Variants in MAGED1 observed in about 807,000 individuals in gnomAD.
The protein encoded by MAGED1 is melanoma-associated antigen D1.
In MAGED1, 3 loss-of-function variants were observed where a neutral mutation model predicts 54.1. That is an observed-to-expected ratio of 0.06 (90% CI 0.03 to 0.14). The LOEUF is 0.14. Ranked by LOEUF, MAGED1 falls within the 10% of genes least tolerant of loss-of-function variation. The probability of loss-of-function intolerance (pLI) is 1.00; values close to 1 mark genes in which losing one functional copy is unlikely to be tolerated. For synonymous variants in MAGED1, 217 were observed against 227.3 expected, an observed-to-expected ratio of 0.95 and a Z score of 0.41; for missense variants, 485 against 623.4, an observed-to-expected ratio of 0.78 and a Z score of 2.36.
At chrX:51,815,016 G>A (rs1925367263) in intron 1 of MAGED1, among the ~76,000 whole-genome samples, 1 of 100,848 alleles carries the variant, frequency 9.9e-6, no homozygotes, top group African/African-American at 3.6e-5. Context: ...GGTGACGCAC[G>A]CCTGTGGTCC....
chrX:51,846,948 A>G (rs1021760083), intron 1 of MAGED1, among the ~76,000 whole-genome samples: 1 of 112,052 alleles, frequency 8.9e-6, no homozygotes, highest in East Asian at 2.8e-4. Context: ...TGACTTTCAC[A>G]ACTATAAGAA....
upstream of MAGED1, among the ~76,000 whole-genome samples, chrX:51,892,365 A>G (rs1455454950): frequency 8.9e-6 from 1 of 111,855 alleles, no homozygotes; most frequent in Admixed American, 9.4e-5. Context: ...GGAATTCTGA[A>G]GCCCAGCCCA....
intron 1 of MAGED1, among the ~76,000 whole-genome samples, chrX:51,825,860 T>C (rs1220841664): frequency 1.8e-5 from 2 of 112,500 alleles, no homozygotes; most frequent in African/African-American, 3.2e-5. Flanking sequence ...TCATTCTTTT[T>C]ATTTAGTTTA....
intron 1 of MAGED1, among the ~76,000 whole-genome samples, chrX:51,849,224 A>G (rs1300760613): frequency 9.0e-6 from 1 of 110,790 alleles, no homozygotes; most frequent in Non-Finnish European, 1.9e-5. Flanking sequence ...TCGTATACCA[A>G]TTTCCTATAT....
At chrX:51,827,877 A>G (rs1557357066) in intron 1 of MAGED1, among the ~76,000 whole-genome samples, 2 of 111,637 alleles carry the variant, frequency 1.8e-5, no homozygotes, top group African/African-American at 3.3e-5. Context: ...CTGTTGATCT[A>G]TGTGTCATTT....
chrX:51,847,906 G>A (rs1216727262), intron 1 of MAGED1, among the ~76,000 whole-genome samples: 1 of 112,036 alleles, frequency 8.9e-6, no homozygotes, highest in Non-Finnish European at 1.9e-5. Flanking sequence ...TCCTGTGTAC[G>A]TGTGCAAGAT....
intron 1 of MAGED1, among the ~76,000 whole-genome samples, chrX:51,855,855 A>C (rs1293843862): frequency 1.8e-5 from 2 of 111,836 alleles, no homozygotes; most frequent in Non-Finnish European, 3.8e-5. Context: ...GACACCAGGC[A>C]TGTTGGATTA....
At chrX:51,861,102 G>A (rs782659502) in intron 1 of MAGED1, among the ~76,000 whole-genome samples, 14 of 111,445 alleles carry the variant, frequency 1.3e-4, no homozygotes, top group Non-Finnish European at 2.6e-4. Context: ...AAACAGTGGG[G>A]CGGGGCTTCA....
chrX:51,884,722 T>C (rs1433883245), intron 1 of MAGED1, among the ~76,000 whole-genome samples: 2 of 112,027 alleles, frequency 1.8e-5, no homozygotes, highest in East Asian at 5.6e-4. Context: ...CGCAAAAGTC[T>C]TTAACAGAAT....
At chrX:51,850,061 A>G (rs1189600492) in intron 1 of MAGED1, among the ~76,000 whole-genome samples, 1 of 110,658 alleles carries the variant, frequency 9.0e-6, no homozygotes, top group South Asian at 3.9e-4. Context: ...CTGGGACTAC[A>G]GGTGCGCAAC....
chrX:51,838,338 A>T (rs1260464956), intron 1 of MAGED1, among the ~76,000 whole-genome samples: 1 of 112,768 alleles, frequency 8.9e-6, no homozygotes, highest in Non-Finnish European at 1.9e-5. Flanking sequence ...AAACAGGCCC[A>T]AGCCATTCAA....
At chrX:51,891,188 G>A (rs1557363483), upstream of MAGED1, among the ~76,000 whole-genome samples, 3 of 112,650 alleles carry the variant, frequency 2.7e-5, no homozygotes, top group African/African-American at 9.7e-5. Context: ...TTTGAGTATG[G>A]AAGGATATCA....
intron 1 of MAGED1, among the ~76,000 whole-genome samples, chrX:51,817,312 C>T (rs1925470874): frequency 9.0e-6 from 1 of 111,730 alleles, no homozygotes; most frequent in Admixed American, 9.4e-5. Flanking sequence ...CCATTAACAA[C>T]CCAATTTGGC....
At chrX:51,857,464 T>C (rs1187199335) in intron 1 of MAGED1, 1 of 111,455 alleles carries the variant, frequency 9.0e-6, no homozygotes, top group Admixed American at 9.5e-5. Flanking sequence ...CAGATCCAGC[T>C]CAGACTTTAC....
intron 1 of MAGED1, among the ~76,000 whole-genome samples, chrX:51,821,860 T>A (rs1409892620): frequency 8.9e-6 from 1 of 112,235 alleles, no homozygotes; most frequent in Non-Finnish European, 1.9e-5. Flanking sequence ...GGTTTTCATT[T>A]TTTATGCTGT....
intron 1 of MAGED1, among the ~76,000 whole-genome samples, chrX:51,868,609 G>A (rs951579009): frequency 1.2e-4 from 13 of 111,768 alleles, no homozygotes; most frequent in African/African-American, 4.2e-4. Flanking sequence ...TGTAGTTATG[G>A]TCACAGTGTA....
chrX:51,874,395 T>C (rs1927796170), intron 1 of MAGED1, among the ~76,000 whole-genome samples: 1 of 111,188 alleles, frequency 9.0e-6, no homozygotes, highest in Admixed American at 9.5e-5. Context: ...AGATTCAGAA[T>C]TGATTGGTTG....
At chrX:51,842,456 A>G (rs1926532878) in intron 1 of MAGED1, among the ~76,000 whole-genome samples, 1 of 111,291 alleles carries the variant, frequency 9.0e-6, no homozygotes, top group African/African-American at 3.3e-5. Context: ...TTCTTTATGT[A>G]AAATGATATA....
chrX:51,821,139 G>A (rs1354431749), intron 1 of MAGED1, among the ~76,000 whole-genome samples: 1 of 111,873 alleles, frequency 8.9e-6, no homozygotes, highest in Non-Finnish European at 1.9e-5. Context: ...GTAACCTGCA[G>A]CTGTGCTGAA....
Sources: allele counts gnomAD v4.1 joint callset (sites outside exome capture counted in the v4.1 genomes callset), GRCh38; gene constraint gnomAD v4.1.1; transcripts MANE v1.5; gene names NCBI Gene and HGNC (gene_info 2026-07-23, HGNC 2026-07-21).